WDR44: variants seen among roughly 807,000 people sequenced by gnomAD.
WDR44 encodes the protein WD repeat domain 44, also known as WD repeat-containing protein 44.
In WDR44, 9 loss-of-function variants were observed where a neutral mutation model predicts 65.7. The observed-to-expected ratio is 0.14, with a 90% CI of 0.08 to 0.24. The LOEUF (loss-of-function observed/expected upper bound fraction) is 0.24. WDR44 is among the 10% of genes least tolerant of loss of function. The probability of loss-of-function intolerance (pLI) is 1.00; values close to 1 mark genes in which losing one functional copy is unlikely to be tolerated. For missense variants in WDR44, 425 were observed against 670.9 expected (o/e 0.63, Z 4.05); for synonymous variants, 220 against 235.2 (o/e 0.94, Z 0.59).
rs2057375975 is a variant in WDR44 at position 118,449,896 on chromosome X, G to A, written c.*909G>A. On this transcript the variant is annotated 3_prime_UTR_variant, in exon 20 of 20. Transcript: ENST00000254029. ...ATGAAACCCTGATCATGTTGTTGAT[G>A]GTTAGCATATGTTTCTGAAAATTAA... is the stretch of plus-strand genomic sequence containing the variant. The A allele has an allele frequency of 8.9e-6, 1 of 111,991 alleles. No individual in the cohort carries two copies. The highest frequency in any genetic ancestry group is 1.9e-5 in the Non-Finnish European group (1 of 53,143). The allele number at this position is 111,991 out of a possible 1,213,427, so 9.2% of individuals were successfully genotyped here.
chrX:118,376,949 G>A (rs899268654), intron 1 of WDR44, among the ~76,000 whole-genome samples: 1 of 110,919 alleles, frequency 9.0e-6, no homozygotes, highest in African/African-American at 3.3e-5. Flanking sequence ...GCTGCAGTGA[G>A]CCATGATGGT....
intron 5 of WDR44, among the ~76,000 whole-genome samples, chrX:118,394,605 A>G (rs1363992671): frequency 9.1e-6 from 1 of 110,290 alleles, no homozygotes; most frequent in East Asian, 2.8e-4. Context: ...TCATAGAAAA[A>G]CTTTATATGC....
In WDR44 at chrX:118,442,288, G is replaced by A. The variant is rs758622743; in HGVS notation, c.2211G>A (p.Gly737=). The A allele has an allele frequency of 2.5e-6, 3 of 1,209,396 alleles. No homozygotes were observed. The East Asian group carries it at 8.9e-5, about 36-fold the overall frequency. ...AAATACATGTCCGATCTACTAGAGG[G>A]CGCAACAAGGTTGGAAGAAAAATTA... ...HTQIHVRSTR[G]RNKVGRKITG... is the part of the protein sequence containing the mutation. The change falls in exon 16 of 20, where the codon GGG becomes GGA. Residue 737 remains glycine, a synonymous_variant. Coordinates refer to ENST00000254029, the MANE Select transcript of WDR44 (RefSeq NM_019045.5).
intron 7 of WDR44, among the ~76,000 whole-genome samples, chrX:118,397,862 C>T (rs4825378): frequency 0.48 from 53,865 of 111,256 alleles, 12,217 homozygotes; most frequent in African/African-American, 0.88. Flanking sequence ...CATTCATTTA[C>T]ATGTTGTACA....
At chrX:118,446,466 G>A (rs1409865865) in intron 19 of WDR44, among the ~76,000 whole-genome samples, 1 of 111,675 alleles carries the variant, frequency 9.0e-6, no homozygotes, top group Non-Finnish European at 1.9e-5. Context: ...TTGCATAATA[G>A]TTTATTGACT....
intron 9 of WDR44, among the ~76,000 whole-genome samples, chrX:118,405,652 T>C (rs995593215): frequency 6.3e-5 from 7 of 111,492 alleles, no homozygotes; most frequent in Admixed American, 5.8e-4. Flanking sequence ...CTATTTGGTT[T>C]TTACAAATAC....
rs1048801571 is a variant in WDR44, at chrX:118,346,170, C to T, written c.-334C>T. 14 of 300,821 alleles carry T rather than the reference C, an allele frequency of 4.7e-5. No homozygotes were observed. The allele number at this position is 300,821 out of a possible 1,213,427, so 24.8% of individuals were successfully genotyped here. On this transcript the variant is annotated 5_prime_UTR_variant, in exon 1 of 20. Transcript: ENST00000254029. The stretch of plus-strand genomic sequence containing the variant: ...TTGCTGCTGCGGGAGAAACTGGAGC[C>T]GCTGTAGCCGGCGCGCCCTTCTTCC...
intron 2 of WDR44, among the ~76,000 whole-genome samples, chrX:118,378,729 T>C (rs1226926819): frequency 9.2e-6 from 1 of 108,572 alleles, no homozygotes; most frequent in Non-Finnish European, 1.9e-5. Flanking sequence ...TGTGTGTGTG[T>C]GTGTGTTGAA....
chrX:118,380,678 T>G (rs5956960), intron 2 of WDR44, among the ~76,000 whole-genome samples: 1,351 of 111,930 alleles, frequency 0.012, 16 homozygotes, highest in African/African-American at 0.042. Flanking sequence ...GTTGGTGATT[T>G]TACAGTCTGA....
chrX:118,365,178 C>T (rs1347796124), intron 1 of WDR44, among the ~76,000 whole-genome samples: 1 of 112,263 alleles, frequency 8.9e-6, no homozygotes, highest in Non-Finnish European at 1.9e-5. Flanking sequence ...AGCCTAAAAA[C>T]ACAGTAGTTT....
At chrX:118,392,565 G>T in intron 3 of WDR44, 67 bp from the exon 4 acceptor site, 1 of 929,299 alleles carries the variant, frequency 1.1e-6, no homozygotes, top group South Asian at 2.4e-5. Context: ...CTATGTAAAT[G>T]ATTAGCTGTT....
At chrX:118,368,846 A>G (rs1425227015) in intron 1 of WDR44, among the ~76,000 whole-genome samples, 1 of 103,759 alleles carries the variant, frequency 9.6e-6, no homozygotes, top group Non-Finnish European at 1.9e-5. Flanking sequence ...CCTCCTGAGT[A>G]GCTGGGACTA....
At chrX:118,383,947 A>G (rs868678659) in intron 2 of WDR44, among the ~76,000 whole-genome samples, 14 of 94,849 alleles carry the variant, frequency 1.5e-4, no homozygotes, top group Middle Eastern at 6.5e-3. Flanking sequence ...TGGCATTATC[A>G]TAGCTCACTG....
intron 8 of WDR44, among the ~76,000 whole-genome samples, chrX:118,400,266 C>T (rs753284313): frequency 8.3e-4 from 92 of 111,174 alleles, no homozygotes; most frequent in African/African-American, 2.7e-3. Context: ...CTGGGCCCTG[C>T]CCTGTTGCCT....
chrX:118,420,413 C>T (rs1399338168), intron 12 of WDR44, among the ~76,000 whole-genome samples: 1 of 110,386 alleles, frequency 9.1e-6, no homozygotes, highest in African/African-American at 3.3e-5. Flanking sequence ...CCACCATGCC[C>T]AGCTAATTTT....
At chrX:118,346,696 G>A (rs1014194860) in intron 1 of WDR44, 116 bp downstream of exon 1, 2 of 587,295 alleles carry the variant, frequency 3.4e-6, no homozygotes, top group Non-Finnish European at 5.2e-6. Context: ...GTTCCTCCCC[G>A]TCTCACTGGA....
intron 1 of WDR44, among the ~76,000 whole-genome samples, chrX:118,368,459 C>A (rs1602873028): frequency 8.2e-5 from 6 of 72,878 alleles, no homozygotes; most frequent in East Asian, 5.1e-4. Context: ...GAAATAGTGA[C>A]TATATATATA....
intron 2 of WDR44, chrX:118,386,308 G>A: frequency 3.1e-6 from 1 of 327,301 alleles, no homozygotes. Context: ...TTAAGATTGA[G>A]AAGAGTATTG....
At chrX:118,348,047 G>T (rs1356487507) in intron 1 of WDR44, among the ~76,000 whole-genome samples, 1 of 111,082 alleles carries the variant, frequency 9.0e-6, no homozygotes. Flanking sequence ...GTACTTTTGT[G>T]TGTGTGTATT....
Sources: allele counts gnomAD v4.1 joint callset (sites outside exome capture counted in the v4.1 genomes callset), GRCh38; gene constraint gnomAD v4.1.1; transcripts MANE v1.5; gene names NCBI Gene and HGNC (gene_info 2026-07-23, HGNC 2026-07-21).